The following SPNS1 variants were observed in gnomAD, a reference collection of about 807,000 sequenced individuals.
SPNS1 encodes SPNS lysolipid transporter 1, lysophospholipid.
Under a neutral mutation model 50.3 loss-of-function variants are expected in SPNS1, and 22 were observed. That is an observed-to-expected ratio of 0.44 (90% CI 0.31 to 0.62). The LOEUF (loss-of-function observed/expected upper bound fraction) is 0.62, where lower values mean the gene tolerates loss of function less well. Ranked by LOEUF, SPNS1 falls within the 20% of genes least tolerant of loss-of-function variation. The pLI, the probability that SPNS1 is intolerant of heterozygous loss-of-function variation, is 0.07. For synonymous variants in SPNS1, 295 were observed against 317.4 expected (o/e 0.93, Z 0.75); for missense variants, 576 against 728.6 (o/e 0.79, Z 2.41).
chr16:28,975,677 G>T, intron 2 of SPNS1, 120 bp downstream of exon 2: 3 of 1,110,488 alleles, frequency 2.7e-6, no homozygotes, highest in East Asian at 5.0e-5. Context: ...GTTAGGGGAG[G>T]TGATGGCCCT....
rs1426957851 is a variant in SPNS1 at position 28,975,547 on chromosome 16, C to T, written c.297C>T (p.Leu99=). 4.3e-6 allele frequency: 7 copies of T among 1,614,110 alleles called. No individual in the cohort carries two copies. Among genetic ancestry groups the T allele is most frequent in the East Asian group, 2.2e-5 (1 of 44,890 alleles). ...ACATCGGGGACAGTAGCTCTGGGCT[C>T]ATCCAGACCGGTGAGTGGGGACCAC... ...FFNIGDSSSG[L]IQTVFISSYM... Residue 99 remains leucine, a synonymous_variant, in exon 2 of 12, where the codon CTC becomes CTT. Transcript: ENST00000311008.
At chr16:28,979,338 A>G in intron 4 of SPNS1, 32 bp downstream of exon 4, 1 of 1,613,994 alleles carries the variant, frequency 6.2e-7, no homozygotes. Context: ...GGGAAGGCAG[A>G]AGGGCCTGGT....
rs371637090 is a variant in SPNS1, at chr16:28,981,911, G to A, written c.820G>A (p.Val274Ile). The A allele has an allele frequency of 3.5e-5, 57 of 1,614,146 alleles. No individual in the cohort carries two copies. In the South Asian group the frequency reaches 4.0e-4, roughly 11 times the overall value. ...CCCAACTATCTGCAGTCCTAGTTTC[G>A]TCCTGTCTTCCCTGGGCTTCACTGC... ...LRALARNPSF[V>I]LSSLGFTAVA... The change falls in exon 7 of 12, where the codon GTC (valine) becomes ATC (isoleucine). Residue 274 changes from valine to isoleucine, a missense_variant. Val to Ile is a conservative substitution (Grantham distance 29). This residue lies in a region of SPNS1 where 428 missense variants were observed against 520.1 expected (regional missense o/e 0.82). Coordinates refer to ENST00000311008, the MANE Select transcript of SPNS1 (RefSeq NM_032038.3). This position sits in a 1 kb window ranked among gnomAD's most constrained non-coding sequence, Gnocchi z 4.2.
rs762527010 is a variant in SPNS1 at position 28,982,344 on chromosome 16, C to T, written c.966-12C>T. 3.9e-6 allele frequency: 6 copies of T among 1,557,536 alleles called. No homozygotes were observed. In the East Asian group the frequency reaches 1.1e-4, roughly 29 times the overall value. ...CAGGGACAAACCCCCCATTCCCTTC[C>T]CTCACCCCTAGTCTCATCTTTGGAC... On this transcript the variant is annotated splice_polypyrimidine_tract_variant and intron_variant, in intron 7 of 11. Coordinates refer to ENST00000311008, the MANE Select transcript of SPNS1 (RefSeq NM_032038.3).
At position 28,984,291 on chromosome 16, in the gene SPNS1, C is replaced by T; in HGVS notation, c.1579C>T (p.Leu527Phe). 1 of 1,612,376 alleles carries T rather than the reference C, an allele frequency of 6.2e-7. No homozygotes were observed. The highest frequency in any genetic ancestry group is 8.5e-7 in the Non-Finnish European group (1 of 1,179,898). The change falls in exon 12 of 12, where the codon CTC becomes TTC. Residue 527 changes from leucine (L) to phenylalanine (F), a missense_variant. Coordinates refer to ENST00000311008, the MANE Select transcript of SPNS1 (RefSeq NM_032038.3). ...RSTRVPVASV[L>F]I ...CACCCGCGTGCCCGTGGCCAGTGTGCTCATCTGAGAGGCTGCCGCTCACCT... is the reference window on the plus strand; with the variant it reads ...CACCCGCGTGCCCGTGGCCAGTGTGTTCATCTGAGAGGCTGCCGCTCACCT...
intron 5 of SPNS1, chr16:28,979,759 A>G: frequency 5.4e-6 from 2 of 370,044 alleles, no homozygotes; most frequent in South Asian, 4.7e-5. Context: ...TGTGGTGGCT[A>G]ACACCTGTAT....
chr16:28,984,750 G>T (rs1965698536), downstream of SPNS1: 5 of 974,768 alleles, frequency 5.1e-6, no homozygotes. Flanking sequence ...CTTCCCTGGA[G>T]CCTGTCCCTT....
At chr16:28,984,572 G>A (rs964848479), downstream of SPNS1, 3 of 614,882 alleles carry the variant, frequency 4.9e-6, no homozygotes, top group African/African-American at 5.5e-5. Context: ...GTCTTTCTCT[G>A]GGTGGCCTCT....
intron 3 of SPNS1, chr16:28,978,726 C>T (rs1965430834): frequency 1.1e-5 from 2 of 176,904 alleles, no homozygotes; most frequent in East Asian, 1.6e-4. Flanking sequence ...TGTCCTCAGC[C>T]CCAGGACCTA....
chr16:28,983,810 T>C lies in SPNS1; in HGVS notation c.1345T>C (p.Trp449Arg), dbSNP rs753755127. Reference sequence around the variant, plus strand: ...GATCTCTGACCGCCTGCGCCGGAACTGGCCCCCCTCCTTCTTGTCCGAGTT... The same window carrying C: ...GATCTCTGACCGCCTGCGCCGGAACCGGCCCCCCTCCTTCTTGTCCGAGTT... ...GLISDRLRRN[W>R]PPSFLSEFRA... Residue 449 changes from tryptophan to arginine, a missense_variant, in exon 11 of 12, where the codon TGG becomes CGG. Physicochemically the swap from Trp to Arg is moderately radical, Grantham distance 101. Coordinates refer to ENST00000311008, the MANE Select transcript of SPNS1 (RefSeq NM_032038.3). The surrounding 1 kb of genome is among the most constrained non-coding windows in gnomAD (Gnocchi z 5.4). 1.1e-5 allele frequency: 17 copies of C among 1,601,290 alleles called. No homozygotes were observed. The highest frequency in any genetic ancestry group is 1.4e-5 in the Non-Finnish European group (17 of 1,176,428).
At position 28,983,796 on chromosome 16, in the gene SPNS1, G is replaced by T. The variant is rs766318180; in HGVS notation, c.1331G>T (p.Arg444Leu). Reference sequence around the variant, plus strand: ...CTCCTCTCCCTGCAGATCTCTGACCGCCTGCGCCGGAACTGGCCCCCCTCC... The same window carrying T: ...CTCCTCTCCCTGCAGATCTCTGACCTCCTGCGCCGGAACTGGCCCCCCTCC... ...SPYLIGLISD[R>L]LRRNWPPSFL... The change falls in exon 11 of 12, where the codon CGC becomes CTC. Residue 444 changes from arginine to leucine, a missense_variant. By Grantham distance (102) the Arg-to-Leu change is moderately radical (BLOSUM62 -2). Around this residue, in one of 3 missense-constraint regions of SPNS1, gnomAD observed 428 missense variants for 520.1 expected, o/e 0.82. Transcript: ENST00000311008. The surrounding 1 kb of genome is among the most constrained non-coding windows in gnomAD (Gnocchi z 5.4). The T allele has an allele frequency of 2.2e-5, 35 of 1,591,290 alleles. No individual in the cohort carries two copies. The highest frequency in any genetic ancestry group is 3.0e-5 in the Non-Finnish European group (35 of 1,171,118).
rs776761886 is a variant in SPNS1 at position 28,982,325 on chromosome 16, C to T, written c.966-31C>T. ...GTAGGGGCCTTGGCAGGCACAGGGACAAACCCCCCATTCCCTTCCCTCACC... is the reference window on the plus strand; with the variant it reads ...GTAGGGGCCTTGGCAGGCACAGGGATAAACCCCCCATTCCCTTCCCTCACC... On this transcript the variant is annotated intron_variant, in intron 7 of 11. Coordinates refer to ENST00000311008, the MANE Select transcript of SPNS1 (RefSeq NM_032038.3). 5.3e-6 allele frequency: 8 copies of T among 1,500,612 alleles called. No individual in the cohort carries two copies. The South Asian group carries it at 1.0e-4, about 19-fold the overall frequency. The allele number at this position is 1,500,612 out of a possible 1,614,324, so 93.0% of individuals were successfully genotyped here. A position where few individuals can be genotyped will look rare whatever the true frequency, so the allele number is the denominator to read the frequency against.
At chr16:28,978,133 C>T (rs1965406977) in intron 3 of SPNS1, 89 bp downstream of exon 3, 1 of 1,527,490 alleles carries the variant, frequency 6.5e-7, no homozygotes, top group Non-Finnish European at 8.9e-7. Flanking sequence ...CAGACTGGGC[C>T]TCAGGGACTC....
chr16:28,977,824 T>C, intron 2 of SPNS1, 84 bp from the exon 3 acceptor site: 4 of 1,545,906 alleles, frequency 2.6e-6, no homozygotes, highest in Non-Finnish European at 3.5e-6. Context: ...GGCAGGCATC[T>C]CCTGTGCTTT....
At chr16:28,980,374 T>C (rs1965501025) in intron 5 of SPNS1, 1 of 152,000 alleles carries the variant, frequency 6.6e-6, no homozygotes, top group Admixed American at 6.6e-5. Flanking sequence ...CAAGCAATCC[T>C]CTTGCCTTGG....
At position 28,981,188 on chromosome 16, in the gene SPNS1, C is replaced by T. The variant is rs2141673012; in HGVS notation, c.664-282C>T. ...GGTGGTTAACAGTCCTCTTGTTGGCCAAGCCTGGGATCCTATTTAAACCAA... is the reference window on the plus strand; with the variant it reads ...GGTGGTTAACAGTCCTCTTGTTGGCTAAGCCTGGGATCCTATTTAAACCAA... On this transcript the variant is annotated intron_variant, in intron 5 of 11. Coordinates refer to ENST00000311008, the MANE Select transcript of SPNS1 (RefSeq NM_032038.3). This position sits in a 1 kb window ranked among gnomAD's most constrained non-coding sequence, Gnocchi z 4.2. Among the ~76,000 whole-genome samples the T allele has an allele frequency of 6.6e-6, 1 of 152,234 alleles. No homozygotes were observed. The highest frequency in any genetic ancestry group is 1.5e-5 in the Non-Finnish European group (1 of 68,026).
chr16:28,979,504 C>T lies in SPNS1; in HGVS notation c.663+33C>T, dbSNP rs750298948. 24 of 1,609,104 alleles carry T rather than the reference C, an allele frequency of 1.5e-5. No individual in the cohort carries two copies. The East Asian group carries it at 2.0e-4, about 13-fold the overall frequency. ...TGGTCTTGGCCTGGGGGTAGGTCAG[C>T]GACGTTCTCACTGATCCCTGTTTCC... On this transcript the variant is annotated intron_variant, in intron 5 of 11. Coordinates refer to ENST00000311008, the MANE Select transcript of SPNS1 (RefSeq NM_032038.3).
In SPNS1 at chr16:28,984,233, C is replaced by A. The variant is rs574430942; in HGVS notation, c.1521C>A (p.Asp507Glu). ...TGCTGCACGAAGCAGGGTCCACAGA[C>A]GACCGGATTGTGGTGCCCCAGCGGG... is the stretch of plus-strand genomic sequence containing the variant. ...QGLLHEAGST[D>E]DRIVVPQRGR... The change falls in exon 12 of 12, where the codon GAC becomes GAA. Residue 507 changes from aspartate to glutamate, a missense_variant. Asp to Glu is a conservative substitution (Grantham distance 45, BLOSUM62 2). Coordinates refer to ENST00000311008, the MANE Select transcript of SPNS1 (RefSeq NM_032038.3). The A allele has an allele frequency of 6.2e-7, 1 of 1,603,066 alleles. No individual in the cohort carries two copies. The highest frequency in any genetic ancestry group is 1.1e-5 in the South Asian group (1 of 89,444).
At chr16:28,982,141 T>C in intron 7 of SPNS1, 85 bp downstream of exon 7, 1 of 1,519,440 alleles carries the variant, frequency 6.6e-7, no homozygotes, top group Non-Finnish European at 8.9e-7. Flanking sequence ...AGGCAGGGAG[T>C]TTGACTCCTG....
Sources: allele counts gnomAD v4.1 joint callset (sites outside exome capture counted in the v4.1 genomes callset), GRCh38; gene constraint gnomAD v4.1.1; regional missense constraint gnomAD v4.1.1; non-coding constraint Gnocchi (gnomAD v3.1); transcripts MANE v1.5; gene names NCBI Gene and HGNC (gene_info 2026-07-23, HGNC 2026-07-21).